PRR3: variants seen among roughly 807,000 people sequenced by gnomAD.
The protein encoded by PRR3 is proline rich 3, also known as proline-rich protein 3.
PRR3 carries 16 observed loss-of-function variants against 22.4 expected under a neutral mutation model. That is an observed-to-expected ratio of 0.71 (90% CI 0.48 to 1.09). PRR3 has a LOEUF of 1.09. Among genes scored for constraint, PRR3 ranks in the 50% least tolerant of loss-of-function variants. PRR3 has a pLI of 0.00. For synonymous variants in PRR3, 87 were observed against 88.6 expected (o/e 0.98, Z 0.10); for missense variants, 224 against 243.4 (o/e 0.92, Z 0.53).
In PRR3 at chr6:30,561,259, T is replaced by C. The variant is rs1309700049; in HGVS notation, c.170-575T>C. ...AGTAATACCTCTACTACGTATATAT[T>C]CAACAGAAATGCATACGTATGTGTA... On this transcript the variant is annotated intron_variant, in intron 2 of 3. Coordinates refer to ENST00000376560, the MANE Select transcript of PRR3 (RefSeq NM_025263.4). The surrounding 1 kb of genome is among the most constrained non-coding windows in gnomAD (Gnocchi z 4.0). The C allele has an allele frequency of 9.2e-6, 4 of 433,876 alleles. No individual in the cohort carries two copies. Among genetic ancestry groups the C allele is most frequent in the Non-Finnish European group, 1.4e-5 (3 of 216,926 alleles). The allele number at this position is 433,876 out of a possible 1,614,324, so 26.9% of individuals were successfully genotyped here.
In PRR3 at chr6:30,561,770, G is replaced by A. The variant is rs1162054218; in HGVS notation, c.170-64G>A. 4.8e-6 allele frequency: 7 copies of A among 1,444,350 alleles called. No homozygotes were observed. Among genetic ancestry groups the A allele is most frequent in the East Asian group, 5.0e-5 (2 of 39,936 alleles). 89.5% of individuals were successfully genotyped at this position (1,444,350 alleles called of 1,614,324 possible). A position where few individuals can be genotyped will look rare whatever the true frequency, so the allele number is the denominator to read the frequency against. ...CAATAAAAAAAATTTTTTTAATCAC[G>A]GTTTATCAGGATTCAGCTGCCCATT... On this transcript the variant is annotated intron_variant, in intron 2 of 3. Coordinates refer to ENST00000376560, the MANE Select transcript of PRR3 (RefSeq NM_025263.4). The surrounding 1 kb of genome is among the most constrained non-coding windows in gnomAD (Gnocchi z 4.0).
upstream of PRR3, chr6:30,557,238 A>G (rs761221656): frequency 8.5e-5 from 71 of 835,112 alleles, no homozygotes; most frequent in Middle Eastern, 6.5e-4. Flanking sequence ...GAATGGCGGG[A>G]GCCTCAGCAT....
chr6:30,557,766 A>G (rs1800359699), intron 1 of PRR3, among the ~76,000 whole-genome samples: 1 of 152,362 alleles, frequency 6.6e-6, no homozygotes, highest in East Asian at 1.9e-4. Context: ...CTGGGATGAC[A>G]GTTTGTATCC....
Position 30,561,665 on chromosome 6 carries a change from G to A in PRR3, c.170-169G>A, listed in dbSNP as rs972662885. On this transcript the variant is annotated intron_variant, in intron 2 of 3. Transcript: ENST00000376560. This position sits in a 1 kb window ranked among gnomAD's most constrained non-coding sequence, Gnocchi z 4.0. ...ATAAGGCTTTATCTCTTCACCTGGT[G>A]GTGGAAACTCAAGTGTGTCTACTTT... 5 of 626,524 alleles carry A rather than the reference G, an allele frequency of 8.0e-6. No homozygotes were observed. In the African/African-American group the frequency reaches 9.2e-5, roughly 12 times the overall value. The allele number at this position is 626,524 out of a possible 1,614,324, so 38.8% of individuals were successfully genotyped here.
At position 30,561,934 on chromosome 6, in the gene PRR3, T is replaced by C; in HGVS notation, c.270T>C (p.Leu90=). Residue 90 remains leucine (L), a synonymous_variant, in exon 3 of 4, where the codon CTT becomes CTC. Coordinates refer to ENST00000376560, the MANE Select transcript of PRR3 (RefSeq NM_025263.4). The surrounding 1 kb of genome is among the most constrained non-coding windows in gnomAD (Gnocchi z 4.0). ...GTAGAGGCCCAATTCGGAGAGGGCT[T>C]GGCCCCAGGTCTAGCCCATATGGTC... The part of the protein sequence containing the change: ...PWGRGPIRRG[L]GPRSSPYGRG... 2 of 1,612,974 alleles carry C rather than the reference T, an allele frequency of 1.2e-6. No homozygotes were observed. Among genetic ancestry groups the C allele is most frequent in the Non-Finnish European group, 1.7e-6 (2 of 1,180,010 alleles).
In PRR3 at chr6:30,562,504, C is replaced by G; in HGVS notation, c.*9C>G. ...ATGGACCTCCTCTGTGAGACTGTGC[C>G]TTCCCATCCAGGCTGGAAGGAGCTC... is the stretch of plus-strand genomic sequence containing the variant. On this transcript the variant is annotated 3_prime_UTR_variant, in exon 4 of 4. Coordinates refer to ENST00000376560, the MANE Select transcript of PRR3 (RefSeq NM_025263.4). 6.4e-7 allele frequency: 1 copy of G among 1,552,098 alleles called. No individual in the cohort carries two copies. Among genetic ancestry groups the G allele is most frequent in the African/African-American group, 1.4e-5 (1 of 73,524 alleles).
chr6:30,559,896 A>C lies in PRR3; in HGVS notation c.169+1684A>C, dbSNP rs369317943. 2.0e-5 allele frequency: 3 copies of C among 152,240 alleles called. No individual in the cohort carries two copies. In the East Asian group the frequency reaches 5.8e-4, roughly 29 times the overall value. The allele number at this position is 152,240 out of a possible 1,614,324, so 9.4% of individuals were successfully genotyped here. A position where few individuals can be genotyped will look rare whatever the true frequency, so the allele number is the denominator to read the frequency against. The stretch of plus-strand genomic sequence containing the variant: ...GTATTCACAATAACAAAGAGGTGGA[A>C]GCAACCCACATGTCCACTGATGGAA... On this transcript the variant is annotated intron_variant, in intron 2 of 3. Coordinates refer to ENST00000376560, the MANE Select transcript of PRR3 (RefSeq NM_025263.4).
At chr6:30,562,182 A>C in intron 3 of PRR3, 58 bp downstream of exon 3, 2 of 1,481,328 alleles carry the variant, frequency 1.4e-6, no homozygotes, top group Non-Finnish European at 1.8e-6. Flanking sequence ...TCAGAAGATC[A>C]TTCACAATCT....
intron 2 of PRR3, among the ~76,000 whole-genome samples, chr6:30,559,113 C>T (rs1562726070): frequency 6.6e-6 from 1 of 152,356 alleles, no homozygotes; most frequent in East Asian, 1.9e-4. Flanking sequence ...TACAGTGGCT[C>T]ACGCCTGTAA....
rs1482716043 is a variant in PRR3 at position 30,561,806 on chromosome 6, CTG to C, written c.170-24_170-23del. The stretch of plus-strand genomic sequence containing the variant: ...ATTCAGCTGCCCATTAGACACCTTT[CTG>C]TGTCTCTCTCTCTCTCTCTCTCCAG... On this transcript the variant is annotated intron_variant, in intron 2 of 3. Coordinates refer to ENST00000376560, the MANE Select transcript of PRR3 (RefSeq NM_025263.4). The surrounding 1 kb of genome is among the most constrained non-coding windows in gnomAD (Gnocchi z 4.0). 5.3e-6 allele frequency: 8 copies of C among 1,496,374 alleles called. No individual in the cohort carries two copies. Among genetic ancestry groups the C allele is most frequent in the Non-Finnish European group, 6.2e-6 (7 of 1,121,706 alleles). 92.7% of individuals were successfully genotyped at this position (1,496,374 alleles called of 1,614,324 possible).
chr6:30,558,027 C>A, intron 1 of PRR3, 123 bp from the exon 2 acceptor site: 1 of 840,990 alleles, frequency 1.2e-6, no homozygotes, highest in Non-Finnish European at 1.9e-6. Context: ...CCCAAGACTG[C>A]TGAAAATATA....
chr6:30,562,303 C>A, intron 3 of PRR3, 86 bp from the exon 4 acceptor site: 1 of 1,204,054 alleles, frequency 8.3e-7, no homozygotes, highest in Non-Finnish European at 1.2e-6. Context: ...GGTAGAAAAT[C>A]AGTTCTCCTT....
intron 2 of PRR3, among the ~76,000 whole-genome samples, chr6:30,559,423 A>G (rs1800479270): frequency 6.6e-6 from 1 of 152,172 alleles, no homozygotes; most frequent in Non-Finnish European, 1.5e-5. Context: ...TACCATTAAG[A>G]AATTAACAGG....
intron 1 of PRR3, 38 bp from the exon 2 acceptor site, chr6:30,558,112 A>G: frequency 6.6e-7 from 1 of 1,521,106 alleles, no homozygotes; most frequent in Non-Finnish European, 9.1e-7. Context: ...CAGTCCTTTA[A>G]TCCATTCTGA....
rs1800315866 is a variant in PRR3, at chr6:30,557,370, A to G, written c.26A>G (p.His9Arg). The change falls in exon 1 of 4, where the codon CAT becomes CGT. Residue 9 changes from histidine (H) to arginine (R), a missense_variant. His to Arg is a conservative substitution (Grantham distance 29). Transcript: ENST00000376560. The stretch of plus-strand genomic sequence containing the variant: ...ATGCCGAAACGAAAGAAGCAGAATC[A>G]TCACCAGCCACCGACACAGCAGCAG... MPKRKKQNHHQPPTQQQPP... is the reference protein window; with the variant it reads MPKRKKQNRHQPPTQQQPP... 7 of 1,612,596 alleles carry G rather than the reference A, an allele frequency of 4.3e-6. No homozygotes were observed. Among genetic ancestry groups the G allele is most frequent in the African/African-American group, 1.3e-5 (1 of 74,946 alleles).
Position 30,557,368 on chromosome 6 carries a change from T to G in PRR3, c.24T>G (p.Asn8Lys). 6.2e-7 allele frequency: 1 copy of G among 1,612,324 alleles called. No homozygotes were observed. The highest frequency in any genetic ancestry group is 1.1e-5 in the South Asian group (1 of 91,030). MPKRKKQ[N>K]HHQPPTQQQP... ...CGATGCCGAAACGAAAGAAGCAGAA[T>G]CATCACCAGCCACCGACACAGCAGC... The change falls in exon 1 of 4, where the codon AAT becomes AAG. Residue 8 changes from asparagine (N) to lysine (K), a missense_variant. Coordinates refer to ENST00000376560, the MANE Select transcript of PRR3 (RefSeq NM_025263.4).
rs1230338449 is a variant in PRR3 at position 30,563,554 on chromosome 6, T to G, written c.*1059T>G. 6.6e-6 allele frequency: 1 copy of G among 152,418 alleles called. No homozygotes were observed. The highest frequency in any genetic ancestry group is 6.6e-5 in the Admixed American group (1 of 15,258). The allele number at this position is 152,418 out of a possible 1,614,324, so 9.4% of individuals were successfully genotyped here. On this transcript the variant is annotated 3_prime_UTR_variant, in exon 4 of 4. Transcript: ENST00000376560. The stretch of plus-strand genomic sequence containing the variant: ...TGGTTGTTTTCTGTGAAAACAGCAG[T>G]GAACAGGTTCAGTTTTGAACTGGCC...
rs559247537 is a variant in PRR3 at position 30,558,366 on chromosome 6, A to G, written c.169+154A>G. ...GTATATTTGCTGATTTAAAAACTCA[A>G]TGTTGTAAAAATGTCACTTCTTCCC... On this transcript the variant is annotated intron_variant, in intron 2 of 3. Coordinates refer to ENST00000376560, the MANE Select transcript of PRR3 (RefSeq NM_025263.4). The G allele has an allele frequency of 3.9e-5, 25 of 633,630 alleles. No individual in the cohort carries two copies. The East Asian group carries it at 4.1e-4, about 10-fold the overall frequency. 39.3% of individuals were successfully genotyped at this position (633,630 alleles called of 1,614,324 possible).
chr6:30,561,321 G>A lies in PRR3; in HGVS notation c.170-513G>A, dbSNP rs556333932. ...AAAAATGTTTATAGTGGCATTTCTC[G>A]TTATAGCCCCAAACTGGATACCACC... On this transcript the variant is annotated intron_variant, in intron 2 of 3. Transcript: ENST00000376560. The surrounding 1 kb of genome is among the most constrained non-coding windows in gnomAD (Gnocchi z 4.0). 9.2e-5 allele frequency: 42 copies of A among 455,094 alleles called. No individual in the cohort carries two copies. The East Asian group carries it at 1.3e-3, about 14-fold the overall frequency. 28.2% of individuals were successfully genotyped at this position (455,094 alleles called of 1,614,324 possible). A position where few individuals can be genotyped will look rare whatever the true frequency, so the allele number is the denominator to read the frequency against.
Sources: gnomAD v4.1 joint callset for allele counts (sites outside exome capture counted in the v4.1 genomes callset) on GRCh38, gnomAD v4.1.1 for gene constraint, Gnocchi (gnomAD v3.1) non-coding constraint, MANE v1.5 for transcripts, NCBI Gene and HGNC (gene_info 2026-07-23, HGNC 2026-07-21) for gene names.